ANAPC10: variants seen among roughly 807,000 people sequenced by gnomAD.
ANAPC10 encodes the protein anaphase-promoting complex subunit 10.
ANAPC10 carries 12 observed loss-of-function variants against 22.0 expected under a neutral mutation model. The ratio of observed to expected loss-of-function variants is 0.55; its 90% CI spans 0.35 to 0.88. ANAPC10 has a LOEUF of 0.88. Among genes scored for constraint, ANAPC10 ranks in the 40% least tolerant of loss-of-function variants. The pLI, the probability that ANAPC10 is intolerant of heterozygous loss-of-function variation, is 0.01. For missense variants in ANAPC10, 188 were observed against 220.9 expected, an observed-to-expected ratio of 0.85 and a Z score of 0.94; for synonymous variants, 65 against 69.5, an observed-to-expected ratio of 0.94 and a Z score of 0.32.
At chr4:144,999,003 C>A (rs1732078405) in intron 4 of ANAPC10, among the ~76,000 whole-genome samples, 3 of 152,142 alleles carry the variant, frequency 2.0e-5, no homozygotes, top group Non-Finnish European at 4.4e-5. Context: ...CGCAAATAAA[C>A]TAGAAAATCT....
intron 4 of ANAPC10, among the ~76,000 whole-genome samples, chr4:145,004,611 T>G (rs146635271): frequency 6.6e-6 from 1 of 152,338 alleles, no homozygotes; most frequent in East Asian, 1.9e-4. Flanking sequence ...ACATGCTTTT[T>G]GTTTTCAGTT....
intron 4 of ANAPC10, among the ~76,000 whole-genome samples, chr4:145,037,678 G>A (rs1306192830): frequency 1.3e-5 from 2 of 152,104 alleles, no homozygotes; most frequent in Non-Finnish European, 1.5e-5. Context: ...GAGGCACAAT[G>A]GCTCACACCT....
intron 4 of ANAPC10, among the ~76,000 whole-genome samples, chr4:145,000,800 T>A (rs1732409007): frequency 6.6e-6 from 1 of 152,156 alleles, no homozygotes; most frequent in African/African-American, 2.4e-5. Flanking sequence ...AACCCAACTG[T>A]CCATCAGTGA....
At chr4:145,017,900 T>C (rs1374660907) in intron 4 of ANAPC10, among the ~76,000 whole-genome samples, 1 of 140,560 alleles carries the variant, frequency 7.1e-6, no homozygotes, top group African/African-American at 2.7e-5. Flanking sequence ...TTCTCACTGA[T>C]AGCTGGGAAC....
intron 3 of ANAPC10, among the ~76,000 whole-genome samples, chr4:145,074,986 C>A (rs1369854867): frequency 6.6e-6 from 1 of 151,990 alleles, no homozygotes; most frequent in Non-Finnish European, 1.5e-5. Context: ...CCATAGGTTC[C>A]AAATTTTTTT....
intron 4 of ANAPC10, among the ~76,000 whole-genome samples, chr4:145,059,707 CAAT>C (rs1416491755): frequency 6.6e-6 from 1 of 151,914 alleles, no homozygotes; most frequent in Non-Finnish European, 1.5e-5. Context: ...AAATATTCTA[CAAT>C]AATTTTTAAA....
intron 4 of ANAPC10, among the ~76,000 whole-genome samples, chr4:145,016,620 C>A (rs1169008293): frequency 1.3e-5 from 2 of 152,190 alleles, no homozygotes; most frequent in Admixed American, 6.5e-5. Context: ...GAAAAAACTA[C>A]TTTAAAGTTC....
chr4:145,050,005 A>C (rs1393619783), intron 4 of ANAPC10, among the ~76,000 whole-genome samples: 4 of 152,168 alleles, frequency 2.6e-5, no homozygotes, highest in African/African-American at 9.7e-5. Flanking sequence ...TCATATTTTG[A>C]CCTTTTCATG....
At chr4:145,058,991 A>T (rs546486352) in intron 4 of ANAPC10, among the ~76,000 whole-genome samples, 36 of 152,168 alleles carry the variant, frequency 2.4e-4, no homozygotes, top group Non-Finnish European at 4.6e-4. Flanking sequence ...TTTTTAAAAA[A>T]ATCTTTTAAA....
chr4:145,028,417 G>T (rs1255149045), intron 4 of ANAPC10, among the ~76,000 whole-genome samples: 2 of 152,150 alleles, frequency 1.3e-5, no homozygotes, highest in Non-Finnish European at 2.9e-5. Flanking sequence ...TCAGCTTGCA[G>T]ACAGCCTATT....
intron 4 of ANAPC10, among the ~76,000 whole-genome samples, chr4:145,018,546 G>A (rs952536637): frequency 6.6e-6 from 1 of 151,990 alleles, no homozygotes; most frequent in Non-Finnish European, 1.5e-5. Flanking sequence ...GCTGAGGCAG[G>A]AGAATTGCTT....
intron 4 of ANAPC10, among the ~76,000 whole-genome samples, chr4:145,002,064 C>T (rs1201411419): frequency 6.6e-6 from 1 of 152,184 alleles, no homozygotes; most frequent in Admixed American, 6.5e-5. Context: ...TTTCTCCCTA[C>T]TCTCACTACT....
intron 4 of ANAPC10, chr4:145,053,867 C>T: frequency 1.9e-6 from 1 of 518,020 alleles, no homozygotes; most frequent in Admixed American, 3.6e-5. Flanking sequence ...CAGGTAGTTT[C>T]AGCAAGATTT....
At chr4:145,007,778 A>C (rs1261021211) in intron 4 of ANAPC10, among the ~76,000 whole-genome samples, 1 of 152,132 alleles carries the variant, frequency 6.6e-6, no homozygotes, top group African/African-American at 2.4e-5. Context: ...TAGAGAAGCA[A>C]GAGCAAACAA....
intron 4 of ANAPC10, among the ~76,000 whole-genome samples, chr4:145,031,980 G>A (rs1366198943): frequency 6.6e-6 from 1 of 152,174 alleles, no homozygotes; most frequent in African/African-American, 2.4e-5. Flanking sequence ...TGGTATATAC[G>A]TGATCAGGCT....
At position 145,039,101 on chromosome 4, in the gene ANAPC10, C is replaced by T. The variant is rs566683559; in HGVS notation, c.327+25471G>A. Among the ~76,000 whole-genome samples the T allele has an allele frequency of 3.8e-5, 5 of 130,134 alleles. No homozygotes were observed. In the South Asian group the frequency reaches 8.2e-4, roughly 21 times the overall value. The allele number at this position is 130,134 out of a possible 152,430, so 85.4% of individuals were successfully genotyped here. A position where few individuals can be genotyped will look rare whatever the true frequency, so the allele number is the denominator to read the frequency against. On this transcript the variant is annotated intron_variant, in intron 4 of 4. Transcript: ENST00000507656. ...CAAATTCAACAGATACTTCTGATGA[C>T]GAGACATCACTTTCTACAGAGAAAA...
chr4:145,038,297 G>A (rs915322649), intron 4 of ANAPC10, among the ~76,000 whole-genome samples: 19 of 152,200 alleles, frequency 1.2e-4, no homozygotes, highest in South Asian at 6.2e-4. Flanking sequence ...TGGATTGCCT[G>A]AAGTCAGGAG....
At chr4:145,023,711 C>A (rs1736272939) in intron 4 of ANAPC10, among the ~76,000 whole-genome samples, 1 of 152,080 alleles carries the variant, frequency 6.6e-6, no homozygotes, top group Non-Finnish European at 1.5e-5. Flanking sequence ...ATCATCTGGG[C>A]CTTTAGTGAG....
In ANAPC10 at chr4:144,995,551, T is replaced by C. The variant is rs1356393194; in HGVS notation, c.380A>G (p.Asn127Ser). 3.7e-6 allele frequency: 6 copies of C among 1,613,818 alleles called. No individual in the cohort carries two copies. Among genetic ancestry groups the C allele is most frequent in the East Asian group, 2.2e-5 (1 of 44,830 alleles). The change falls in exon 5 of 5, where the codon AAT becomes AGT. Residue 127 changes from asparagine (N) to serine (S), a missense_variant. Physicochemically the swap from Asn to Ser is conservative, Grantham distance 46 (BLOSUM62 1). Transcript: ENST00000507656. The part of the protein sequence containing the change: ...SGWIHVPLTD[N>S]HKKPTRTFMI... ...GAATGTACGAGTTGGCTTCTTATGA[T>C]TGTCAGTTAAGGGAACATGAATCCA...
Sources: allele counts gnomAD v4.1 joint callset (sites outside exome capture counted in the v4.1 genomes callset), GRCh38; gene constraint gnomAD v4.1.1; transcripts MANE v1.5; gene names NCBI Gene and HGNC (gene_info 2026-07-23, HGNC 2026-07-21).